TENM4: variants seen among roughly 807,000 people sequenced by gnomAD.
The protein encoded by TENM4 is teneurin-4.
A neutral mutation model predicts 243.3 loss-of-function variants in TENM4; 82 were observed. The ratio of observed to expected loss-of-function variants is 0.34; its 90% CI spans 0.28 to 0.40. TENM4 has a LOEUF of 0.40. Among genes scored for constraint, TENM4 ranks in the 10% least tolerant of loss-of-function variants. The probability of loss-of-function intolerance (pLI) is 1.00; values close to 1 mark genes in which losing one functional copy is unlikely to be tolerated. For missense variants in TENM4, 3,138 were observed against 3,673.3 expected (o/e 0.85, Z 3.77); for synonymous variants, 1,412 against 1,456.3 (o/e 0.97, Z 0.69).
chr11:78,805,457 C>T lies in TENM4; in HGVS notation c.2014G>A (p.Val672Ile). 6.3e-7 allele frequency: 1 copy of T among 1,593,050 alleles called. No homozygotes were observed. The highest frequency in any genetic ancestry group is 8.6e-7 in the Non-Finnish European group (1 of 1,169,434). ...CMDPTCSGRG[V>I]CVRGECHCSV... ...CAGTGGCATTCGCCTCTCACGCAGA[C>T]ACCCCGGCCTGAACATGTGGGGTCC... The change falls in exon 15 of 34, where the codon GTC becomes ATC. Residue 672 changes from valine (V) to isoleucine (I), a missense_variant. Val to Ile is a conservative substitution (Grantham distance 29, BLOSUM62 3). Around this residue, in one of 2 missense-constraint regions of TENM4, gnomAD observed 2,467 missense variants for 3,059.1 expected, o/e 0.81. Transcript: ENST00000278550.
At chr11:78,841,991 C>A (rs943743234) in intron 12 of TENM4, among the ~76,000 whole-genome samples, 2 of 152,262 alleles carry the variant, frequency 1.3e-5, no homozygotes, top group Non-Finnish European at 2.9e-5. Flanking sequence ...ATCCTTAACT[C>A]CTTGCTTCTT....
chr11:78,885,928 C>CACAAACAA (rs772886607), intron 9 of TENM4, among the ~76,000 whole-genome samples: 1 of 151,912 alleles, frequency 6.6e-6, no homozygotes, highest in Admixed American at 6.6e-5. Context: ...CCCATCTCTA[C>CACAAACAA]ACAAACAAAC....
chr11:78,938,646 T>C (rs1413480451), intron 6 of TENM4, among the ~76,000 whole-genome samples: 1 of 152,192 alleles, frequency 6.6e-6, no homozygotes, highest in African/African-American at 2.4e-5. Flanking sequence ...GAAACAATCC[T>C]GATGAACAAG....
intron 6 of TENM4, among the ~76,000 whole-genome samples, chr11:78,966,993 AG>A (rs1196045081): frequency 6.6e-6 from 1 of 152,198 alleles, no homozygotes; most frequent in Non-Finnish European, 1.5e-5. Context: ...CTTTTGCACA[AG>A]CTTGTTCCTC....
At chr11:79,163,417 A>G (rs906061748) in intron 3 of TENM4, among the ~76,000 whole-genome samples, 1 of 151,864 alleles carries the variant, frequency 6.6e-6, no homozygotes, top group African/African-American at 2.4e-5. Flanking sequence ...TTTTTTTAAT[A>G]GTTTTTTTGG....
rs1301579551 is a variant in TENM4 at position 79,250,650 on chromosome 11, T to G, written c.-264-34741A>C. 2.0e-5 allele frequency among the ~76,000 whole-genome samples: 3 copies of G among 152,222 alleles called. No homozygotes were observed. The East Asian group carries it at 5.8e-4, about 29-fold the overall frequency. ...AGGAGCGATCCTAGCAAATATTGCCTTCTATTAACCCAACATTAGACACAA... is the reference window on the plus strand; with the variant it reads ...AGGAGCGATCCTAGCAAATATTGCCGTCTATTAACCCAACATTAGACACAA... On this transcript the variant is annotated intron_variant, in intron 2 of 33. Transcript: ENST00000278550.
chr11:78,801,951 T>C (rs1041885608), intron 15 of TENM4, among the ~76,000 whole-genome samples: 2 of 152,282 alleles, frequency 1.3e-5, no homozygotes, highest in African/African-American at 4.8e-5. Context: ...CCTCACCTAA[T>C]CCTCACAGTG....
chr11:79,035,612 T>C (rs1031870027), intron 6 of TENM4, among the ~76,000 whole-genome samples: 8 of 152,148 alleles, frequency 5.3e-5, no homozygotes, highest in African/African-American at 1.9e-4. Flanking sequence ...GCTATCTTGT[T>C]AACACAAAAA....
intron 1 of TENM4, among the ~76,000 whole-genome samples, chr11:79,332,691 A>T (rs1310723591): frequency 6.6e-6 from 1 of 152,192 alleles, no homozygotes; most frequent in Non-Finnish European, 1.5e-5. Context: ...ACTGAGACTA[A>T]GAGCTTAAGT....
intron 4 of TENM4, among the ~76,000 whole-genome samples, chr11:79,092,446 C>T (rs934870772): frequency 3.3e-5 from 5 of 152,194 alleles, no homozygotes; most frequent in African/African-American, 4.8e-5. Context: ...CGGGAGACTG[C>T]GTCATTCGCA....
rs1188167592 is a variant in TENM4, at chr11:78,787,078, A to G, written c.2185T>C (p.Cys729Arg). The G allele has an allele frequency of 1.3e-6, 2 of 1,544,514 alleles. No homozygotes were observed. The highest frequency in any genetic ancestry group is 1.8e-6 in the Non-Finnish European group (2 of 1,142,444). The change falls in exon 16 of 34, where the codon TGT becomes CGT. Residue 729 changes from cysteine (C) to arginine (R), a missense_variant. Transcript: ENST00000278550. ...WTGHDCSIEI[C>R]AADCGGHGVC... The stretch of plus-strand genomic sequence containing the variant: ...CCATGGCCACCACAGTCGGCAGCAC[A>G]GATCTCTGTGGGGAGGAGCAGAAGA...
At chr11:79,371,825 T>C (rs1237393001) in intron 1 of TENM4, among the ~76,000 whole-genome samples, 1 of 152,176 alleles carries the variant, frequency 6.6e-6, no homozygotes, top group Non-Finnish European at 1.5e-5. Context: ...CAGCCCCCTG[T>C]AATTCTGAAG....
chr11:78,760,629 A>G (rs1856409382), intron 18 of TENM4, among the ~76,000 whole-genome samples: 1 of 152,218 alleles, frequency 6.6e-6, no homozygotes, highest in Admixed American at 6.5e-5. Context: ...AGGAACTGAT[A>G]GGCCACACCA....
intron 1 of TENM4, among the ~76,000 whole-genome samples, chr11:79,341,972 C>T (rs2135462035): frequency 6.6e-6 from 1 of 152,278 alleles, no homozygotes; most frequent in South Asian, 2.1e-4. Context: ...AGAAGAAGCC[C>T]TGGTGAGGAC....
At chr11:79,428,424 TG>T (rs1218673151) in intron 1 of TENM4, among the ~76,000 whole-genome samples, 1 of 152,190 alleles carries the variant, frequency 6.6e-6, no homozygotes, top group East Asian at 1.9e-4. Context: ...TCACTAACCC[TG>T]GAAAGCTATT....
chr11:79,317,367 C>G (rs968520340), intron 1 of TENM4, among the ~76,000 whole-genome samples: 1 of 152,074 alleles, frequency 6.6e-6, no homozygotes, highest in Non-Finnish European at 1.5e-5. Flanking sequence ...TATCTGTAAT[C>G]TATAAAGGTA....
chr11:79,260,649 C>T (rs1205566386), intron 2 of TENM4, among the ~76,000 whole-genome samples: 3 of 152,166 alleles, frequency 2.0e-5, no homozygotes, highest in Non-Finnish European at 4.4e-5. Context: ...TCAGTGGACT[C>T]GTGACTGTGG....
At chr11:79,012,868 T>C (rs1565166874) in intron 6 of TENM4, among the ~76,000 whole-genome samples, 1 of 152,122 alleles carries the variant, frequency 6.6e-6, no homozygotes, top group Non-Finnish European at 1.5e-5. Context: ...CCAGAAGGTG[T>C]GATTGTTCTC....
chr11:79,400,773 C>A (rs1001418181), intron 1 of TENM4, among the ~76,000 whole-genome samples: 1 of 152,218 alleles, frequency 6.6e-6, no homozygotes, highest in African/African-American at 2.4e-5. Flanking sequence ...GCAATTGTCA[C>A]TTCTATTCTT....
Sources: gnomAD v4.1 joint callset for allele counts (sites outside exome capture counted in the v4.1 genomes callset) on GRCh38, gnomAD v4.1.1 for gene constraint, gnomAD v4.1.1 regional missense constraint, MANE v1.5 for transcripts, NCBI Gene and HGNC (gene_info 2026-07-23, HGNC 2026-07-21) for gene names.